LMTK2: variants seen among roughly 807,000 people sequenced by gnomAD.
The protein encoded by LMTK2 is serine/threonine-protein kinase LMTK2.
A neutral mutation model predicts 127.5 loss-of-function variants in LMTK2; 37 were observed. That is an observed-to-expected ratio of 0.29 (90% CI 0.22 to 0.38). The LOEUF (loss-of-function observed/expected upper bound fraction) is 0.38, where lower values mean the gene tolerates loss of function less well. LMTK2 is among the 10% of genes least tolerant of loss of function. LMTK2 has a pLI of 1.00. For synonymous variants in LMTK2, 819 were observed against 810.1 expected, an observed-to-expected ratio of 1.01 and a Z score of -0.19; for missense variants, 1,694 against 1,920.3, an observed-to-expected ratio of 0.88 and a Z score of 2.20.
At chr7:98,190,952 G>T in intron 10 of LMTK2, 75 bp downstream of exon 10, 10 of 1,394,300 alleles carry the variant, frequency 7.2e-6, no homozygotes, top group Non-Finnish European at 1.0e-5. Context: ...AAAAATTCGT[G>T]GGCCAAATAT....
At position 98,206,626 on chromosome 7, in the gene LMTK2, A is replaced by ACGG. The variant is rs890533435; in HGVS notation, c.*1135_*1136insGGC. On this transcript the variant is annotated 3_prime_UTR_variant, in exon 14 of 14. Coordinates refer to ENST00000297293, the MANE Select transcript of LMTK2 (RefSeq NM_014916.4). ...TCAAGAAGCCGGGGAACTCAGGCAG[A>ACGG]CTCATCTCCGCAGAGCATACCAGCC... 6.6e-6 allele frequency: 1 copy of ACGG among 151,880 alleles called. No homozygotes were observed. 9.4% of individuals were successfully genotyped at this position (151,880 alleles called of 1,614,324 possible).
chr7:98,170,565 G>A (rs142424682), intron 6 of LMTK2, among the ~76,000 whole-genome samples: 3,503 of 146,256 alleles, frequency 0.024, 110 homozygotes, highest in Admixed American at 0.086. Flanking sequence ...CCCGCTCCCC[G>A]CCTCCAGCCG....
chr7:98,172,838 A>G (rs767939571), intron 7 of LMTK2, among the ~76,000 whole-genome samples: 1 of 151,916 alleles, frequency 6.6e-6, no homozygotes, highest in Admixed American at 6.6e-5. Flanking sequence ...GCTCACTACA[A>G]CCTCCACCGC....
chr7:98,198,743 AGTGCTGGGATTATAGAC>A (rs1337363591), intron 11 of LMTK2, among the ~76,000 whole-genome samples: 31 of 152,274 alleles, frequency 2.0e-4, no homozygotes, highest in Admixed American at 1.4e-3. Flanking sequence ...GGCTTCCCGA[AGTGCTGGGATTATAGAC>A]GTGAGCCACT....
intron 5 of LMTK2, among the ~76,000 whole-genome samples, chr7:98,158,314 C>T (rs959352891): frequency 1.3e-5 from 2 of 151,948 alleles, no homozygotes; most frequent in Admixed American, 1.3e-4. Context: ...TTGTTTTGTC[C>T]CCCGGGCTGG....
At chr7:98,184,674 GAGGCTGTGTCAC>G (rs1171865472) in intron 7 of LMTK2, among the ~76,000 whole-genome samples, 1 of 152,048 alleles carries the variant, frequency 6.6e-6, no homozygotes, top group Non-Finnish European at 1.5e-5. Flanking sequence ...AGGACCTCCT[GAGGCTGTGTCAC>G]AGGCACGTCC....
Position 98,151,366 on chromosome 7 carries a change from G to GT in LMTK2, c.377-9dup, listed in dbSNP as rs767464142. 22 of 1,574,658 alleles carry GT rather than the reference G, an allele frequency of 1.4e-5. No homozygotes were observed. Among genetic ancestry groups the GT allele is most frequent in the South Asian group, 6.7e-5 (6 of 89,054 alleles). The stretch of plus-strand genomic sequence containing the variant: ...TAGATACTTATATTTCATTTTTAAT[G>GT]TTTTTTTCTCTACAGAGGGATTGAA... On this transcript the variant is annotated splice_polypyrimidine_tract_variant and intron_variant, in intron 3 of 13. Transcript: ENST00000297293.
At chr7:98,195,375 C>T (rs976487951) in intron 11 of LMTK2, among the ~76,000 whole-genome samples, 1 of 152,076 alleles carries the variant, frequency 6.6e-6, no homozygotes, top group African/African-American at 2.4e-5. Context: ...GACCTGTCCT[C>T]TTTCCCTGCT....
intron 3 of LMTK2, among the ~76,000 whole-genome samples, chr7:98,148,288 G>A (rs6465653): frequency 1 from 151,810 of 151,926 alleles, 75,847 homozygotes; most frequent in Non-Finnish European, 1. Context: ...TCAGGAGTTC[G>A]AGACCAGCCT....
Position 98,205,550 on chromosome 7 carries a change from C to T in LMTK2, c.*58C>T, listed in dbSNP as rs1584304853. 5.7e-6 allele frequency: 9 copies of T among 1,579,546 alleles called. No individual in the cohort carries two copies. The highest frequency in any genetic ancestry group is 1.7e-4 in the Middle Eastern group (1 of 5,960). ...CTGCTCCCCTGGAGCGGCGCCCCTG[C>T]GCCCTCAGCCCGAGCAGCGACATCC... On this transcript the variant is annotated 3_prime_UTR_variant, in exon 14 of 14. Coordinates refer to ENST00000297293, the MANE Select transcript of LMTK2 (RefSeq NM_014916.4).
At chr7:98,137,809 A>G (rs1796616039) in intron 2 of LMTK2, among the ~76,000 whole-genome samples, 1 of 152,212 alleles carries the variant, frequency 6.6e-6, no homozygotes, top group African/African-American at 2.4e-5. Context: ...TGAGGAGTGA[A>G]GCGTGGTGAT....
At chr7:98,174,118 A>G (rs1236425045) in intron 7 of LMTK2, among the ~76,000 whole-genome samples, 20 of 151,820 alleles carry the variant, frequency 1.3e-4, no homozygotes, top group East Asian at 7.7e-4. Flanking sequence ...AAAAAAAAAA[A>G]AAAAGAAAAA....
At chr7:98,163,657 G>A (rs1387066944) in intron 6 of LMTK2, among the ~76,000 whole-genome samples, 1 of 152,188 alleles carries the variant, frequency 6.6e-6, no homozygotes, top group Non-Finnish European at 1.5e-5. Flanking sequence ...CACCAGCCCA[G>A]GGAGCCAGAG....
At position 98,191,977 on chromosome 7, in the gene LMTK2, C is replaced by G; in HGVS notation, c.1512C>G (p.Phe504Leu). ...AAGGCTTGTCCTACACGAGCATCTTCTATCCGGTTGAAGTTTTTGAGAGTT... is the reference window on the plus strand; with the variant it reads ...AAGGCTTGTCCTACACGAGCATCTTGTATCCGGTTGAAGTTTTTGAGAGTT... Reference protein sequence around the residue: ...LDEGLSYTSIFYPVEVFESSL... With the variant: ...LDEGLSYTSILYPVEVFESSL... Residue 504 changes from phenylalanine to leucine, a missense_variant, in exon 11 of 14, where the codon TTC becomes TTG. Phe to Leu is a conservative substitution (Grantham distance 22). Around this residue, in one of 8 missense-constraint regions of LMTK2, gnomAD observed 216 missense variants for 266.8 expected, o/e 0.81. Transcript: ENST00000297293. 6.2e-7 allele frequency: 1 copy of G among 1,614,022 alleles called. No individual in the cohort carries two copies. The highest frequency in any genetic ancestry group is 1.1e-5 in the South Asian group (1 of 91,074).
chr7:98,178,698 A>G (rs1481523394), intron 7 of LMTK2, among the ~76,000 whole-genome samples: 1 of 152,204 alleles, frequency 6.6e-6, no homozygotes, highest in Admixed American at 6.5e-5. Context: ...TTAGCTTTGC[A>G]CGTTATTGGG....
At chr7:98,149,378 C>T (rs1031896575) in intron 3 of LMTK2, among the ~76,000 whole-genome samples, 12 of 152,180 alleles carry the variant, frequency 7.9e-5, no homozygotes, top group African/African-American at 2.7e-4. Context: ...AAACCTTTGA[C>T]CATCTTCTAG....
rs533562296 is a variant in LMTK2 at position 98,175,560 on chromosome 7, G to A, written c.791+3886G>A. 4.6e-4 allele frequency among the ~76,000 whole-genome samples: 70 copies of A among 152,344 alleles called. 1 individual carries two copies. The highest frequency in any genetic ancestry group is 1.6e-3 in the African/African-American group (66 of 41,576). On this transcript the variant is annotated intron_variant, in intron 7 of 13. Coordinates refer to ENST00000297293, the MANE Select transcript of LMTK2 (RefSeq NM_014916.4). ...TTAATCACTATTGCACCTCAGCTTA[G>A]GCTGGTTTAGAAAGAGAAGGCACTA... is the stretch of plus-strand genomic sequence containing the variant.
rs1230090035 is a variant in LMTK2, at chr7:98,207,480, G to T, written c.*1988G>T. The T allele has an allele frequency of 2.6e-5, 4 of 151,620 alleles. No individual in the cohort carries two copies. In the East Asian group the frequency reaches 5.8e-4, roughly 22 times the overall value. 9.4% of individuals were successfully genotyped at this position (151,620 alleles called of 1,614,324 possible). On this transcript the variant is annotated 3_prime_UTR_variant, in exon 14 of 14. Transcript: ENST00000297293. ...GGTGCCCACCTGGGCTATGTGGGGA[G>T]CACCACTGTCTCGGGATGCGCGAAT...
At chr7:98,191,052 C>G (rs61063100) in intron 10 of LMTK2, among the ~76,000 whole-genome samples, 175 bp downstream of exon 10, 9,109 of 152,074 alleles carry the variant, frequency 0.06, 666 homozygotes, top group East Asian at 0.36. Flanking sequence ...AGAAATGTTT[C>G]GGGTGTTGAG....
Sources: gnomAD v4.1 joint callset for allele counts (sites outside exome capture counted in the v4.1 genomes callset) on GRCh38, gnomAD v4.1.1 for gene constraint, gnomAD v4.1.1 regional missense constraint, MANE v1.5 for transcripts, NCBI Gene and HGNC (gene_info 2026-07-23, HGNC 2026-07-21) for gene names.